RGS12: variants seen among roughly 807,000 people sequenced by gnomAD.
The protein encoded by RGS12 is regulator of G protein signaling 12.
In RGS12, 66 loss-of-function variants were observed where a neutral mutation model predicts 120.1. The ratio of observed to expected loss-of-function variants is 0.55; its 90% CI spans 0.45 to 0.67. The LOEUF (loss-of-function observed/expected upper bound fraction) is 0.67. RGS12 is among the 30% of genes least tolerant of loss of function. The pLI, the probability that RGS12 is intolerant of heterozygous loss-of-function variation, is 0.00. For missense variants in RGS12, 1,859 were observed against 1,957.7 expected (o/e 0.95, Z 0.95); for synonymous variants, 827 against 804.7 (o/e 1.03, Z -0.47).
intron 3 of RGS12, among the ~76,000 whole-genome samples, chr4:3,380,037 A>G (rs927128610): frequency 3.3e-5 from 5 of 152,258 alleles, no homozygotes; most frequent in African/African-American, 9.6e-5. Context: ...CCTTCTGTCT[A>G]TGAGCCTATA....
intron 1 of RGS12, among the ~76,000 whole-genome samples, chr4:3,307,158 G>T (rs189833665): frequency 6.6e-6 from 1 of 152,194 alleles, no homozygotes; most frequent in Admixed American, 6.5e-5. Flanking sequence ...ATGTGTTGCC[G>T]CTGGCTGCTT....
At chr4:3,362,655 G>A (rs1488990522) in intron 3 of RGS12, among the ~76,000 whole-genome samples, 1 of 142,018 alleles carries the variant, frequency 7.0e-6, no homozygotes, top group African/African-American at 2.7e-5. Context: ...GTGTGTCAGT[G>A]TGGGACTGAG....
At chr4:3,309,483 T>C (rs1190743276) in intron 1 of RGS12, among the ~76,000 whole-genome samples, 162 of 85,512 alleles carry the variant, frequency 1.9e-3, no homozygotes, top group East Asian at 0.016. Flanking sequence ...GGGAACCGTG[T>C]GGGGGAGGAG....
intron 3 of RGS12, among the ~76,000 whole-genome samples, chr4:3,381,837 T>G (rs1718295525): frequency 6.6e-6 from 1 of 152,244 alleles, no homozygotes; most frequent in East Asian, 1.9e-4. Flanking sequence ...TGACTTTTCC[T>G]GACAAGATTA....
chr4:3,406,007 C>T (rs1006549900), intron 4 of RGS12, among the ~76,000 whole-genome samples: 18 of 151,906 alleles, frequency 1.2e-4, no homozygotes, highest in African/African-American at 4.4e-4. Context: ...GCTCGTATGT[C>T]CCGGCTCCCC....
At chr4:3,380,860 C>T (rs1319880553) in intron 3 of RGS12, among the ~76,000 whole-genome samples, 1 of 152,198 alleles carries the variant, frequency 6.6e-6, no homozygotes, top group African/African-American at 2.4e-5. Flanking sequence ...CTGATGTGCC[C>T]TGGAGACATT....
intron 2 of RGS12, among the ~76,000 whole-genome samples, chr4:3,333,968 T>A (rs1261814357): frequency 6.6e-6 from 1 of 152,240 alleles, no homozygotes; most frequent in Non-Finnish European, 1.5e-5. Flanking sequence ...ACTTTGTAAT[T>A]TCCTTCATAA....
Position 3,379,352 on chromosome 4 carries a change from C to T in RGS12, c.1999-7064C>T, listed in dbSNP as rs914305388. 7.2e-5 allele frequency among the ~76,000 whole-genome samples: 11 copies of T among 152,166 alleles called. No individual in the cohort carries two copies. The East Asian group carries it at 2.1e-3, about 29-fold the overall frequency. ...CTTGAAATTTGCTAAGAGAGTAAAT[C>T]TTAATTTGCTAAGAGAATAGATTCT... is the stretch of plus-strand genomic sequence containing the variant. On this transcript the variant is annotated intron_variant, in intron 3 of 17. Coordinates refer to ENST00000336727, the MANE Select transcript of RGS12 (RefSeq NM_001394154.1).
chr4:3,306,802 C>T (rs1723991910), intron 1 of RGS12, among the ~76,000 whole-genome samples: 2 of 152,044 alleles, frequency 1.3e-5, no homozygotes, highest in Admixed American at 6.5e-5. Flanking sequence ...GGGAACAACA[C>T]AGCTCTTGCC....
At chr4:3,392,627 A>G (rs986470148) in intron 4 of RGS12, among the ~76,000 whole-genome samples, 2 of 152,082 alleles carry the variant, frequency 1.3e-5, no homozygotes, top group African/African-American at 4.8e-5. Flanking sequence ...CTGTGTTTTC[A>G]TCTTTAGCAG....
At chr4:3,304,007 C>T (rs1190100966) in intron 1 of RGS12, among the ~76,000 whole-genome samples, 1 of 152,230 alleles carries the variant, frequency 6.6e-6, no homozygotes, top group South Asian at 2.1e-4. Context: ...CACTGAGTCG[C>T]TGTGCTGCTG....
chr4:3,371,846 C>G (rs1359678849), intron 3 of RGS12, among the ~76,000 whole-genome samples: 2 of 152,212 alleles, frequency 1.3e-5, no homozygotes, highest in Non-Finnish European at 2.9e-5. Context: ...CAGCAGCGCT[C>G]TTTTGGAGTT....
chr4:3,331,420 A>C (rs1711826534), intron 2 of RGS12, among the ~76,000 whole-genome samples: 1 of 152,240 alleles, frequency 6.6e-6, no homozygotes, highest in Non-Finnish European at 1.5e-5. Context: ...CTTTGAAGGA[A>C]AAGTAAAAAT....
chr4:3,310,199 G>T (rs1724293741), intron 1 of RGS12, among the ~76,000 whole-genome samples: 1 of 151,066 alleles, frequency 6.6e-6, no homozygotes, highest in Non-Finnish European at 1.5e-5. Flanking sequence ...CCCGGGAATG[G>T]CAGGTGTCCG....
Position 3,369,554 on chromosome 4 carries a change from C to T in RGS12, c.1999-16862C>T, listed in dbSNP as rs78095923. Among the ~76,000 whole-genome samples, 285 of 152,280 alleles carry T rather than the reference C, an allele frequency of 1.9e-3. 1 individual carries two copies. The highest frequency in any genetic ancestry group is 6.7e-3 in the African/African-American group (279 of 41,548). On this transcript the variant is annotated intron_variant, in intron 3 of 17. Coordinates refer to ENST00000336727, the MANE Select transcript of RGS12 (RefSeq NM_001394154.1). ...CGTTTCAGGGTTAGGACTCCTAGAG[C>T]CCATTAGGACGAGACTCTAGGTGGC...
chr4:3,354,114 C>T (rs983167249), intron 3 of RGS12, among the ~76,000 whole-genome samples: 1 of 152,170 alleles, frequency 6.6e-6, no homozygotes, highest in African/African-American at 2.4e-5. Flanking sequence ...ATGGGGGTTG[C>T]TGCCCTAGGC....
intron 2 of RGS12, among the ~76,000 whole-genome samples, chr4:3,331,476 C>G (rs898406478): frequency 2.6e-5 from 4 of 152,060 alleles, no homozygotes; most frequent in Non-Finnish European, 5.9e-5. Flanking sequence ...TGAGAGATGG[C>G]CTTGGAAACA....
In RGS12 at chr4:3,395,117, T is replaced by G. The variant is rs200877129; in HGVS notation, c.2020+8680T>G. Among the ~76,000 whole-genome samples the G allele has an allele frequency of 5.3e-5, 8 of 151,606 alleles. No homozygotes were observed. In the East Asian group the frequency reaches 1.4e-3, roughly 26 times the overall value. On this transcript the variant is annotated intron_variant, in intron 4 of 17. Coordinates refer to ENST00000336727, the MANE Select transcript of RGS12 (RefSeq NM_001394154.1). ...CTGAGGCAGGAGAATCTCTTGAACCTGGGAGGTGAAGGTTATAGTAGGCAG... is the reference window on the plus strand; with the variant it reads ...CTGAGGCAGGAGAATCTCTTGAACCGGGGAGGTGAAGGTTATAGTAGGCAG...
At chr4:3,382,498 G>A (rs955413462) in intron 3 of RGS12, among the ~76,000 whole-genome samples, 5 of 152,216 alleles carry the variant, frequency 3.3e-5, no homozygotes, top group African/African-American at 1.2e-4. Context: ...CACCTTGGGA[G>A]ATCAACATCA....
Sources: gnomAD v4.1 joint callset for allele counts (sites outside exome capture counted in the v4.1 genomes callset) on GRCh38, gnomAD v4.1.1 for gene constraint, MANE v1.5 for transcripts, NCBI Gene and HGNC (gene_info 2026-07-23, HGNC 2026-07-21) for gene names.